MRS2: variants seen among roughly 807,000 people sequenced by gnomAD.
MRS2 encodes the protein magnesium transporter MRS2 homolog, mitochondrial.
MRS2 carries 40 observed loss-of-function variants against 52.6 expected under a neutral mutation model. The observed-to-expected ratio is 0.76, with a 90% confidence interval of 0.59 to 0.99. The LOEUF (loss-of-function observed/expected upper bound fraction) is 0.99, where lower values mean the gene tolerates loss of function less well. MRS2 is among the 50% of genes least tolerant of loss of function. MRS2 has a pLI of 0.00. For synonymous variants in MRS2, 193 were observed against 195.9 expected (o/e 0.98, Z 0.13); for missense variants, 472 against 532.7 (o/e 0.89, Z 1.12).
intron 4 of MRS2, among the ~76,000 whole-genome samples, chr6:24,410,304 T>C (rs1048421903): frequency 6.6e-6 from 1 of 152,196 alleles, no homozygotes; most frequent in East Asian, 1.9e-4. Flanking sequence ...AATGGAAAAC[T>C]TTCTGAAATA....
rs745722301 is a variant in MRS2, at chr6:24,418,482, G to C, written c.1011G>C (p.Arg337Ser). The C allele has an allele frequency of 2.5e-6, 4 of 1,614,148 alleles. No individual in the cohort carries two copies. The change falls in exon 9 of 11, where the codon AGG (arginine) becomes AGC (serine). Residue 337 changes from arginine (R) to serine (S), a missense_variant. By Grantham distance (110) the Arg-to-Ser change is moderately radical. Transcript: ENST00000378386. ...CCAGCCACCGAAACGTGATGATGAG[G>C]TTGAATCTACAGCTGACCATGGGAA... Reference protein sequence around the residue: ...NLDSHRNVMMRLNLQLTMGTF... With the variant: ...NLDSHRNVMMSLNLQLTMGTF...
chr6:24,416,637 C>T, intron 7 of MRS2, 124 bp downstream of exon 7: 1 of 687,494 alleles, frequency 1.5e-6, no homozygotes, highest in South Asian at 1.7e-5. Flanking sequence ...AGAGATTTTT[C>T]ATCCCCAGTT....
intron 5 of MRS2, among the ~76,000 whole-genome samples, chr6:24,413,878 A>G (rs1761750591): frequency 6.6e-6 from 1 of 152,278 alleles, no homozygotes; most frequent in South Asian, 2.1e-4. Flanking sequence ...TTTAACAACT[A>G]TATAGCAGGA....
At chr6:24,409,993 T>G (rs537945165) in intron 4 of MRS2, among the ~76,000 whole-genome samples, 115 of 151,612 alleles carry the variant, frequency 7.6e-4, no homozygotes, top group African/African-American at 2.7e-3. Context: ...TTTTATAGCC[T>G]TAATTTTTTT....
rs970338881 is a variant in MRS2, at chr6:24,423,139, G to A, written c.1221+89G>A. ...AGCGCCTGGGATTAAGTTGTCACAG[G>A]CACTATGGCCCTTGCGAGTTGCTTT... On this transcript the variant is annotated intron_variant, in intron 10 of 10. Transcript: ENST00000378386. The A allele has an allele frequency of 9.8e-6, 10 of 1,017,250 alleles. No homozygotes were observed. The Admixed American group carries it at 2.0e-4, about 21-fold the overall frequency. 63.0% of individuals were successfully genotyped at this position (1,017,250 alleles called of 1,614,324 possible). A position where few individuals can be genotyped will look rare whatever the true frequency, so the allele number is the denominator to read the frequency against.
chr6:24,414,726 C>T (rs1287963904), intron 5 of MRS2, among the ~76,000 whole-genome samples: 4 of 152,074 alleles, frequency 2.6e-5, no homozygotes, highest in African/African-American at 7.2e-5. Context: ...ACGGGGCGGC[C>T]GGGCAGAGGT....
rs537445795 is a variant in MRS2, at chr6:24,420,115, C to T, written c.1107+1537C>T. On this transcript the variant is annotated intron_variant, in intron 9 of 10. Transcript: ENST00000378386. Reference sequence around the variant, plus strand: ...CCTTAGGATAAAAATCCCGTCCTGCCGCACCGACTTGTCCATCTTGTGGGT... The same window carrying T: ...CCTTAGGATAAAAATCCCGTCCTGCTGCACCGACTTGTCCATCTTGTGGGT... Among the ~76,000 whole-genome samples, 12 of 152,294 alleles carry T rather than the reference C, an allele frequency of 7.9e-5. No homozygotes were observed. In the South Asian group the frequency reaches 2.5e-3, roughly 32 times the overall value.
chr6:24,408,738 CTTT>C (rs1255468920), intron 3 of MRS2, among the ~76,000 whole-genome samples: 1 of 151,992 alleles, frequency 6.6e-6, no homozygotes, highest in Non-Finnish European at 1.5e-5. Context: ...GAGACACACT[CTTT>C]TTCTCTTTTG....
intron 2 of MRS2, 25 bp from the exon 3 acceptor site, chr6:24,408,383 A>G (rs1215904346): frequency 1.4e-6 from 2 of 1,459,554 alleles, no homozygotes; most frequent in Admixed American, 1.7e-5. Context: ...AGAAAATCAT[A>G]ATTTGTTTTA....
At position 24,403,182 on chromosome 6, in the gene MRS2, A is replaced by AT; in HGVS notation, c.138dup (p.Gly47TrpfsTer19). Reference sequence around the variant, plus strand: ...TGCCTGCGGCCGCCGAGCCAACCTGATTGGAAGGAGCCGAGCGGCGCAGCT... The same window carrying AT: ...TGCCTGCGGCCGCCGAGCCAACCTGATTTGGAAGGAGCCGAGCGGCGCAGCT... On this transcript the variant is annotated frameshift_variant, in exon 1 of 11. Coordinates refer to ENST00000378386, the MANE Select transcript of MRS2 (RefSeq NM_020662.4). LOFTEE classifies it high-confidence loss of function. 1 of 1,606,782 alleles carries AT rather than the reference A, an allele frequency of 6.2e-7. No individual in the cohort carries two copies. Among genetic ancestry groups the AT allele is most frequent in the Non-Finnish European group, 8.5e-7 (1 of 1,179,750 alleles).
intron 6 of MRS2, among the ~76,000 whole-genome samples, chr6:24,415,652 A>C (rs1761823621): frequency 6.6e-6 from 1 of 152,228 alleles, no homozygotes; most frequent in Non-Finnish European, 1.5e-5. Flanking sequence ...TTATCCAAAA[A>C]TGTTGGAGTG....
In MRS2 at chr6:24,402,985, G is replaced by C. The variant is rs1581690808; in HGVS notation, c.-62G>C. On this transcript the variant is annotated 5_prime_UTR_variant, in exon 1 of 11. Coordinates refer to ENST00000378386, the MANE Select transcript of MRS2 (RefSeq NM_020662.4). ...GCGACAGGTCAGAGCTGCGGCCTGA[G>C]CAGCCAGCGTCCGGCATGAAGGTCT... The C allele has an allele frequency of 6.8e-7, 1 of 1,460,034 alleles. No individual in the cohort carries two copies. The highest frequency in any genetic ancestry group is 9.2e-7 in the Non-Finnish European group (1 of 1,092,558). 90.4% of individuals were successfully genotyped at this position (1,460,034 alleles called of 1,614,324 possible). A position where few individuals can be genotyped will look rare whatever the true frequency, so the allele number is the denominator to read the frequency against.
chr6:24,415,820 A>C (rs1761829130), intron 6 of MRS2, among the ~76,000 whole-genome samples: 2 of 152,196 alleles, frequency 1.3e-5, no homozygotes, highest in Non-Finnish European at 2.9e-5. Flanking sequence ...TTACCAATTA[A>C]TTTAGATCTG....
chr6:24,421,192 CACTT>C (rs1406801016), intron 9 of MRS2, among the ~76,000 whole-genome samples: 8 of 152,258 alleles, frequency 5.3e-5, no homozygotes, highest in Admixed American at 2.0e-4. Flanking sequence ...ATTTTTCTCT[CACTT>C]AATTGCCAAC....
intron 5 of MRS2, among the ~76,000 whole-genome samples, chr6:24,413,613 C>G (rs1761739955): frequency 6.6e-6 from 1 of 152,206 alleles, no homozygotes; most frequent in Non-Finnish European, 1.5e-5. Flanking sequence ...AAGATGTGGT[C>G]TGCCTATTTG....
intron 2 of MRS2, among the ~76,000 whole-genome samples, chr6:24,407,834 T>A (rs1761526937): frequency 1.3e-5 from 2 of 152,204 alleles, no homozygotes; most frequent in African/African-American, 4.8e-5. Context: ...CAGGGGCTTC[T>A]CTGGTCCTCT....
intron 9 of MRS2, among the ~76,000 whole-genome samples, chr6:24,420,233 C>T (rs1354071872): frequency 6.6e-6 from 1 of 152,162 alleles, no homozygotes; most frequent in Non-Finnish European, 1.5e-5. Flanking sequence ...GTTACTTCCT[C>T]CTCATCTTTC....
rs1410982722 is a variant in MRS2 at position 24,422,970 on chromosome 6, A to C, written c.1141A>C (p.Met381Leu). Residue 381 changes from methionine (M) to leucine (L), a missense_variant, in exon 10 of 11, where the codon ATG becomes CTG. Coordinates refer to ENST00000378386, the MANE Select transcript of MRS2 (RefSeq NM_020662.4). ...HRIFWLITGI[M>L]FMGSGLIWRR... Reference sequence around the variant, plus strand: ...AATTTTTTGGCTGATTACAGGAATTATGTTCATGGGAAGTGGCCTCATCTG... The same window carrying C: ...AATTTTTTGGCTGATTACAGGAATTCTGTTCATGGGAAGTGGCCTCATCTG... 8 of 1,614,018 alleles carry C rather than the reference A, an allele frequency of 5.0e-6. No individual in the cohort carries two copies. The East Asian group carries it at 1.8e-4, about 36-fold the overall frequency.
At chr6:24,412,200 T>C (rs754580890) in intron 4 of MRS2, 22 bp from the exon 5 acceptor site, 1 of 1,422,534 alleles carries the variant, frequency 7.0e-7, no homozygotes, top group Admixed American at 2.5e-5. Context: ...TTTATATGTT[T>C]TGGTTTTTTT....
Sources: allele counts gnomAD v4.1 joint callset (sites outside exome capture counted in the v4.1 genomes callset), GRCh38; gene constraint gnomAD v4.1.1; transcripts MANE v1.5; gene names NCBI Gene and HGNC (gene_info 2026-07-23, HGNC 2026-07-21).